The following CLNK variants were observed in gnomAD, a reference collection of about 807,000 sequenced individuals.
CLNK encodes cytokine dependent hematopoietic cell linker.
Under a neutral mutation model 68.6 loss-of-function variants are expected in CLNK, and 74 were observed. The observed-to-expected ratio is 1.08, with a 90% confidence interval of 0.89 to 1.31. CLNK has a LOEUF of 1.31. CLNK is among the 50% of genes most tolerant of loss of function. The pLI is 0.00. For missense variants in CLNK, 553 were observed against 515.3 expected, an observed-to-expected ratio of 1.07 and a Z score of -0.71; for synonymous variants, 198 against 172.2, an observed-to-expected ratio of 1.15 and a Z score of -1.17.
Position 10,573,885 on chromosome 4 carries a change from T to C in CLNK, c.113-2107A>G, listed in dbSNP as rs1335263111. ...TTCTCCCTCTCACCTCCCCTTTGCT[T>C]CCCAAATGCTCATCATCCTTTCAGA... On this transcript the variant is annotated intron_variant, in intron 4 of 18. Coordinates refer to ENST00000226951, the MANE Select transcript of CLNK (RefSeq NM_052964.4). 2.0e-5 allele frequency among the ~76,000 whole-genome samples: 3 copies of C among 152,068 alleles called. No individual in the cohort carries two copies. In the East Asian group the frequency reaches 5.8e-4, roughly 29 times the overall value.
In CLNK at chr4:10,673,025, C is replaced by T. The variant is rs75282710; in HGVS notation, c.-42-5114G>A. ...TTTTTAGCGGAATGTTTTTAAAAAACCTATCACATCCAAAGATTTTAACAA... is the reference window on the plus strand; with the variant it reads ...TTTTTAGCGGAATGTTTTTAAAAAATCTATCACATCCAAAGATTTTAACAA... On this transcript the variant is annotated intron_variant, in intron 1 of 18. Coordinates refer to ENST00000226951, the MANE Select transcript of CLNK (RefSeq NM_052964.4). 4.2e-3 allele frequency among the ~76,000 whole-genome samples: 632 copies of T among 152,258 alleles called. 3 individuals carry two copies. Among genetic ancestry groups the T allele is most frequent in the Non-Finnish European group, 5.7e-3 (388 of 68,000 alleles).
the CLNK span, among the ~76,000 whole-genome samples, chr4:10,703,707 G>C: frequency 6.6e-6 from 1 of 152,128 alleles, no homozygotes; most frequent in Non-Finnish European, 1.5e-5. Context: ...TACACACCTA[G>C]GCATATATAG....
chr4:10,732,602 A>C, the CLNK span, among the ~76,000 whole-genome samples: 49 of 152,246 alleles, frequency 3.2e-4, no homozygotes, highest in African/African-American at 1.2e-3. Flanking sequence ...CTAACTCTGA[A>C]GTTCCATGGC....
intron 16 of CLNK, among the ~76,000 whole-genome samples, chr4:10,512,720 G>C (rs1201766460): frequency 2.6e-5 from 4 of 151,858 alleles, no homozygotes; most frequent in Admixed American, 6.6e-5. Context: ...GTGAGTAATA[G>C]CAGGATATGG....
rs147144522 is a variant in CLNK, at chr4:10,567,928, T to C, written c.151-1778A>G. On this transcript the variant is annotated intron_variant, in intron 5 of 18. Coordinates refer to ENST00000226951, the MANE Select transcript of CLNK (RefSeq NM_052964.4). ...AAAAAAGACAGAAAATAATCAGGGC[T>C]GACAAGAATGTGGAGAATTTGAGGA... Among the ~76,000 whole-genome samples, 188 of 152,222 alleles carry C rather than the reference T, an allele frequency of 1.2e-3. 4 individuals are homozygous for C. The East Asian group carries it at 0.034, about 27-fold the overall frequency.
chr4:10,641,352 T>A (rs1723300530), intron 2 of CLNK, among the ~76,000 whole-genome samples: 1 of 152,160 alleles, frequency 6.6e-6, no homozygotes, highest in East Asian at 1.9e-4. Context: ...TTCCCATCAT[T>A]GGGGTTTCTA....
the CLNK span, among the ~76,000 whole-genome samples, chr4:10,708,750 A>G: frequency 6.6e-6 from 1 of 152,214 alleles, no homozygotes; most frequent in African/African-American, 2.4e-5. Context: ...TGGATAAAGC[A>G]GAACATTGTT....
chr4:10,680,167 T>C (rs61794276), intron 1 of CLNK, among the ~76,000 whole-genome samples: 20,093 of 151,846 alleles, frequency 0.13, 1,533 homozygotes, highest in South Asian at 0.18. Context: ...CAGATATACA[T>C]CATGGAATAC....
At chr4:10,497,512 A>G (rs1716862081) in intron 18 of CLNK, among the ~76,000 whole-genome samples, 1 of 152,208 alleles carries the variant, frequency 6.6e-6, no homozygotes, top group Non-Finnish European at 1.5e-5. Flanking sequence ...GGTGACAGTA[A>G]TTAGAGCAGC....
intron 1 of CLNK, among the ~76,000 whole-genome samples, chr4:10,676,854 C>T (rs557734377): frequency 3.3e-5 from 5 of 151,752 alleles, no homozygotes; most frequent in Non-Finnish European, 7.4e-5. Flanking sequence ...TCTCTCTGCT[C>T]TTATTATTAA....
chr4:10,535,263 G>GAAAGAAAGAAAGAA (rs1225148465), intron 11 of CLNK, among the ~76,000 whole-genome samples: 2 of 144,706 alleles, frequency 1.4e-5, no homozygotes, highest in African/African-American at 2.6e-5. Context: ...AAGAAAGAAA[G>GAAAGAAAGAAAGAA]AAAAAATGGA....
At chr4:10,547,013 T>TATTAACCC (rs1274586924) in intron 8 of CLNK, among the ~76,000 whole-genome samples, 2 of 152,280 alleles carry the variant, frequency 1.3e-5, no homozygotes, top group African/African-American at 2.4e-5. Context: ...TCCATTCATC[T>TATTAACCC]ATTAACCCAT....
chr4:10,631,018 C>T (rs1042037055), intron 2 of CLNK, among the ~76,000 whole-genome samples: 4 of 144,566 alleles, frequency 2.8e-5, no homozygotes, highest in Non-Finnish European at 6.3e-5. Flanking sequence ...TGACTTTTTG[C>T]CACAGACCAA....
At chr4:10,554,316 T>C (rs1366629099) in intron 8 of CLNK, among the ~76,000 whole-genome samples, 1 of 152,244 alleles carries the variant, frequency 6.6e-6, no homozygotes, top group Non-Finnish European at 1.5e-5. Context: ...TTTGCTTATG[T>C]AAAAGGCAGT....
chr4:10,628,059 C>T (rs890677327), intron 2 of CLNK, among the ~76,000 whole-genome samples: 2 of 152,240 alleles, frequency 1.3e-5, no homozygotes. Context: ...AACTGGCATC[C>T]TGTGTAACCC....
Position 10,684,725 on chromosome 4 carries a change from AG to A in CLNK, c.-101del. The stretch of plus-strand genomic sequence containing the variant: ...GCTGAGGTGTCCGTCTCCTGTGAGG[AG>A]GGGCGGCAGTGCAGAGACCTTGGGG... On this transcript the variant is annotated 5_prime_UTR_variant, in exon 1 of 19. Transcript: ENST00000226951. 6.6e-6 allele frequency: 1 copy of A among 152,220 alleles called. No homozygotes were observed. Among genetic ancestry groups the A allele is most frequent in the African/African-American group, 2.4e-5 (1 of 41,512 alleles). The allele number at this position is 152,220 out of a possible 1,614,324, so 9.4% of individuals were successfully genotyped here. A position where few individuals can be genotyped will look rare whatever the true frequency, so the allele number is the denominator to read the frequency against.
intron 8 of CLNK, among the ~76,000 whole-genome samples, chr4:10,544,591 G>C (rs187330630): frequency 2.6e-5 from 4 of 152,296 alleles, no homozygotes; most frequent in Non-Finnish European, 5.9e-5. Context: ...GGCATCTGTG[G>C]TTAGGGGATG....
chr4:10,558,478 AT>A (rs1560215752), intron 7 of CLNK, 26 bp from the exon 8 acceptor site: 1 of 1,608,924 alleles, frequency 6.2e-7, no homozygotes, highest in East Asian at 2.2e-5. Context: ...AGGCACCATT[AT>A]CTCTTCAGTT....
intron 18 of CLNK, among the ~76,000 whole-genome samples, chr4:10,494,133 G>A (rs773460780): frequency 4.6e-5 from 7 of 152,124 alleles, no homozygotes; most frequent in Non-Finnish European, 7.4e-5. Flanking sequence ...TTTAAACCAA[G>A]CACAAAGTTT....
Sources: gnomAD v4.1 joint callset for allele counts (sites outside exome capture counted in the v4.1 genomes callset) on GRCh38, gnomAD v4.1.1 for gene constraint, MANE v1.5 for transcripts, NCBI Gene and HGNC (gene_info 2026-07-23, HGNC 2026-07-21) for gene names.